Variants in SEMA3D observed in about 807,000 individuals in gnomAD.
SEMA3D encodes the protein semaphorin-3D.
Under a neutral mutation model 100.1 loss-of-function variants are expected in SEMA3D, and 84 were observed. That is an observed-to-expected ratio of 0.84 (90% CI 0.70 to 1.01). The LOEUF (loss-of-function observed/expected upper bound fraction) is 1.01, where lower values mean the gene tolerates loss of function less well. Ranked by LOEUF, SEMA3D falls within the 50% of genes least tolerant of loss-of-function variation. The pLI is 0.00. For synonymous variants in SEMA3D, 312 were observed against 320.7 expected (o/e 0.97, Z 0.29); for missense variants, 875 against 934.1 (o/e 0.94, Z 0.82).
At chr7:85,072,338 G>A (rs763504784) in intron 6 of SEMA3D, among the ~76,000 whole-genome samples, 1 of 152,052 alleles carries the variant, frequency 6.6e-6, no homozygotes, top group Non-Finnish European at 1.5e-5. Flanking sequence ...ACACTTTTAA[G>A]AAAATTATTA....
chr7:85,176,664 C>T (rs1791236773), intron 1 of SEMA3D, among the ~76,000 whole-genome samples: 2 of 151,824 alleles, frequency 1.3e-5, no homozygotes, highest in African/African-American at 4.8e-5. Context: ...TGAAGGAAAG[C>T]TTCCTGAGAG....
chr7:85,195,264 A>G, the SEMA3D span, among the ~76,000 whole-genome samples: 2 of 152,270 alleles, frequency 1.3e-5, no homozygotes, highest in South Asian at 4.1e-4. Flanking sequence ...AGTAAAGGAC[A>G]TTAGTACCTT....
chr7:85,190,662 T>G (rs1791676509), upstream of SEMA3D, among the ~76,000 whole-genome samples: 1 of 152,128 alleles, frequency 6.6e-6, no homozygotes, highest in African/African-American at 2.4e-5. Context: ...ACACCTGACT[T>G]TCATCTTTTA....
At chr7:85,144,950 A>G (rs562292675) in intron 2 of SEMA3D, among the ~76,000 whole-genome samples, 1 of 152,240 alleles carries the variant, frequency 6.6e-6, no homozygotes, top group South Asian at 2.1e-4. Flanking sequence ...GATATACACA[A>G]TTCTAGCTTG....
chr7:85,037,179 C>A, intron 11 of SEMA3D, 146 bp from the exon 12 acceptor site: 1 of 637,626 alleles, frequency 1.6e-6, no homozygotes, highest in Non-Finnish European at 2.6e-6. Context: ...GTGCCTACGT[C>A]CTCAAGTGGC....
intron 11 of SEMA3D, 73 bp from the exon 12 acceptor site, chr7:85,037,106 C>T: frequency 6.8e-7 from 1 of 1,460,842 alleles, no homozygotes; most frequent in Admixed American, 1.8e-5. Context: ...CACATACTAT[C>T]AGCAGGTGCT....
At chr7:85,061,935 A>C (rs1026079600) in intron 8 of SEMA3D, among the ~76,000 whole-genome samples, 1 of 152,070 alleles carries the variant, frequency 6.6e-6, no homozygotes, top group South Asian at 2.1e-4. Flanking sequence ...CATCTTCTCT[A>C]TCTGTCCCTG....
chr7:85,181,141 G>A (rs1034096230), intron 1 of SEMA3D, among the ~76,000 whole-genome samples: 2 of 152,110 alleles, frequency 1.3e-5, no homozygotes, highest in Non-Finnish European at 2.9e-5. Flanking sequence ...GGCTAAGATC[G>A]TGAGATAGGG....
At chr7:85,200,035 A>G in the SEMA3D span, among the ~76,000 whole-genome samples, 1 of 152,158 alleles carries the variant, frequency 6.6e-6, no homozygotes, top group African/African-American at 2.4e-5. Flanking sequence ...CCATGATTGT[A>G]AGGCTTTCCC....
chr7:85,069,898 T>C (rs78877443), intron 6 of SEMA3D, among the ~76,000 whole-genome samples: 1 of 152,342 alleles, frequency 6.6e-6, no homozygotes, highest in East Asian at 1.9e-4. Context: ...ATGTAAAATA[T>C]ACATATTGTG....
At chr7:85,213,557 T>A in the SEMA3D span, among the ~76,000 whole-genome samples, 1 of 152,048 alleles carries the variant, frequency 6.6e-6, no homozygotes, top group African/African-American at 2.4e-5. Flanking sequence ...CTCCAGGGAA[T>A]GATTTTCTAA....
chr7:85,188,378 T>A (rs527705657), upstream of SEMA3D, among the ~76,000 whole-genome samples: 10 of 152,294 alleles, frequency 6.6e-5, 1 homozygote, highest in South Asian at 1.7e-3. Flanking sequence ...GAGAAAAAAA[T>A]TTTAAATCCT....
the SEMA3D span, among the ~76,000 whole-genome samples, chr7:85,247,448 T>C: frequency 0.029 from 4,453 of 152,190 alleles, 227 homozygotes; most frequent in African/African-American, 0.1. Context: ...AGACATCATG[T>C]GCACAAACTA....
At chr7:85,041,958 G>T in intron 10 of SEMA3D, 1 of 497,770 alleles carries the variant, frequency 2.0e-6, no homozygotes, top group Non-Finnish European at 3.6e-6. Flanking sequence ...TTACTTTGAG[G>T]ACTCTTACAA....
At chr7:85,083,583 G>A (rs1299410966) in intron 4 of SEMA3D, among the ~76,000 whole-genome samples, 3 of 152,212 alleles carry the variant, frequency 2.0e-5, no homozygotes, top group Non-Finnish European at 4.4e-5. Context: ...GGTGGCTCAC[G>A]CCTGTAATCC....
chr7:85,012,928 G>T, intron 16 of SEMA3D, 82 bp from the exon 17 acceptor site: 1 of 1,027,556 alleles, frequency 9.7e-7, no homozygotes, highest in Non-Finnish European at 1.5e-6. Context: ...ACTAATAACA[G>T]TGGCAGATGC....
At chr7:85,130,308 G>T (rs1285712197) in intron 2 of SEMA3D, among the ~76,000 whole-genome samples, 1 of 152,134 alleles carries the variant, frequency 6.6e-6, no homozygotes, top group Non-Finnish European at 1.5e-5. Context: ...TTCAACAAAT[G>T]AAAGAATTGT....
At chr7:85,148,056 C>T (rs905056117) in intron 2 of SEMA3D, among the ~76,000 whole-genome samples, 1 of 152,084 alleles carries the variant, frequency 6.6e-6, no homozygotes, top group Non-Finnish European at 1.5e-5. Context: ...GGTCAGAGAT[C>T]ACAATGACAA....
At chr7:85,153,157 G>A (rs771325644) in intron 2 of SEMA3D, among the ~76,000 whole-genome samples, 13 of 152,060 alleles carry the variant, frequency 8.5e-5, no homozygotes, top group Non-Finnish European at 1.6e-4. Context: ...TTTGGTATAA[G>A]CAGGTTTTGC....
Sources: gnomAD v4.1 joint callset for allele counts (sites outside exome capture counted in the v4.1 genomes callset) on GRCh38, gnomAD v4.1.1 for gene constraint, MANE v1.5 for transcripts, NCBI Gene and HGNC (gene_info 2026-07-23, HGNC 2026-07-21) for gene names.